CA10: variants seen among roughly 807,000 people sequenced by gnomAD.
CA10 encodes the protein carbonic anhydrase 10 (inactive), also known as carbonic anhydrase-related protein 10.
CA10 carries 14 observed loss-of-function variants against 44.2 expected under a neutral mutation model. The observed-to-expected ratio is 0.32, with a 90% CI of 0.21 to 0.50. CA10 has a LOEUF of 0.50. Ranked by LOEUF, CA10 falls within the 20% of genes least tolerant of loss-of-function variation. The pLI is 0.99. For missense variants in CA10, 350 were observed against 409.7 expected, an observed-to-expected ratio of 0.85 and a Z score of 1.26; for synonymous variants, 159 against 141.6, an observed-to-expected ratio of 1.12 and a Z score of -0.87.
intron 2 of CA10, among the ~76,000 whole-genome samples, chr17:52,060,564 A>G (rs1987354921): frequency 6.6e-6 from 1 of 152,162 alleles, no homozygotes; most frequent in South Asian, 2.1e-4. Flanking sequence ...TCATCCCAAA[A>G]TAAAAAAATT....
rs779857995 is a variant in CA10, at chr17:51,872,766, A to G, written c.279+58224T>C. On this transcript the variant is annotated intron_variant, in intron 3 of 8. Transcript: ENST00000451037. ...GAAATTGGCCATGGTTGGAGAATTT[A>G]TATCACAGAGACTGGTAAAGGCTAC... 8.8e-4 allele frequency among the ~76,000 whole-genome samples: 134 copies of G among 152,224 alleles called. 1 individual carries two copies. Among genetic ancestry groups the G allele is most frequent in the Non-Finnish European group, 1.4e-3 (95 of 68,040 alleles).
intron 2 of CA10, among the ~76,000 whole-genome samples, chr17:51,981,918 T>C (rs576371452): frequency 1.3e-5 from 2 of 152,148 alleles, no homozygotes; most frequent in African/African-American, 2.4e-5. Flanking sequence ...GCTGAATTTA[T>C]TTAATATATT....
intron 1 of CA10, among the ~76,000 whole-genome samples, chr17:52,136,818 T>C (rs925809831): frequency 1.3e-5 from 2 of 152,200 alleles, no homozygotes; most frequent in South Asian, 2.1e-4. Context: ...ATTTCATGTA[T>C]ATTCCTTGTG....
intron 4 of CA10, among the ~76,000 whole-genome samples, chr17:51,667,575 A>G (rs1241659746): frequency 6.6e-6 from 1 of 152,172 alleles, no homozygotes; most frequent in East Asian, 1.9e-4. Flanking sequence ...AAGCAAAAAA[A>G]AAAAAAATGA....
At chr17:51,698,975 T>C (rs974981533) in intron 4 of CA10, among the ~76,000 whole-genome samples, 2 of 152,218 alleles carry the variant, frequency 1.3e-5, no homozygotes, top group Non-Finnish European at 2.9e-5. Flanking sequence ...TTGGTTATTA[T>C]GAATAAGGCT....
chr17:52,059,719 A>T (rs1567719390), intron 2 of CA10, among the ~76,000 whole-genome samples: 1 of 152,152 alleles, frequency 6.6e-6, no homozygotes, highest in Non-Finnish European at 1.5e-5. Context: ...TCAATGGCTG[A>T]AATATGACCT....
In CA10 at chr17:51,821,546, T is replaced by C. The variant is rs1244069881; in HGVS notation, c.280-73728A>G. On this transcript the variant is annotated intron_variant, in intron 3 of 8. Transcript: ENST00000451037. ...AGAACTAATTTGAATAGCCTCCTAA[T>C]TGGCTTTCCTGCTTTTACATTCACT... Among the ~76,000 whole-genome samples the C allele has an allele frequency of 3.9e-5, 6 of 152,044 alleles. 1 individual carries two copies. The highest frequency in any genetic ancestry group is 1.5e-4 in the African/African-American group (6 of 41,328).
At chr17:52,131,118 G>A (rs1989229469) in intron 1 of CA10, among the ~76,000 whole-genome samples, 1 of 146,094 alleles carries the variant, frequency 6.8e-6, no homozygotes, top group Non-Finnish European at 1.5e-5. Flanking sequence ...TTTTTTTTTA[G>A]ACTATAAACA....
At chr17:52,105,624 T>C (rs1239733913) in intron 1 of CA10, among the ~76,000 whole-genome samples, 1 of 152,230 alleles carries the variant, frequency 6.6e-6, no homozygotes, top group East Asian at 1.9e-4. Flanking sequence ...ATGACAATAA[T>C]AACAGTACCT....
intron 3 of CA10, among the ~76,000 whole-genome samples, chr17:51,886,220 T>C (rs920044461): frequency 3.9e-5 from 6 of 152,298 alleles, no homozygotes; most frequent in African/African-American, 1.2e-4. Flanking sequence ...TGTGGGTGAA[T>C]GTGGCAGTGT....
chr17:51,820,416 C>A lies in CA10; in HGVS notation c.280-72598G>T, dbSNP rs867324027. Among the ~76,000 whole-genome samples, 21 of 92,936 alleles carry A rather than the reference C, an allele frequency of 2.3e-4. 1 individual carries two copies. Among genetic ancestry groups the A allele is most frequent in the South Asian group, 5.2e-4 (1 of 1,922 alleles). The allele number at this position is 92,936 out of a possible 152,430, so 61.0% of individuals were successfully genotyped here. A position where few individuals can be genotyped will look rare whatever the true frequency, so the allele number is the denominator to read the frequency against. On this transcript the variant is annotated intron_variant, in intron 3 of 8. Coordinates refer to ENST00000451037, the MANE Select transcript of CA10 (RefSeq NM_020178.5). ...CTGGGGATTCCCCTACCCCCCCCCC[C>A]CCGCCCGCCGATTTTCCTGTACAAA...
chr17:51,699,048 TG>T (rs1354408935), intron 4 of CA10, among the ~76,000 whole-genome samples: 1 of 152,154 alleles, frequency 6.6e-6, no homozygotes, highest in Non-Finnish European at 1.5e-5. Context: ...GGGCCGAGTG[TG>T]GTGACTCACG....
chr17:51,835,235 G>C (rs902616012), intron 3 of CA10, among the ~76,000 whole-genome samples: 8 of 152,220 alleles, frequency 5.3e-5, no homozygotes, highest in Non-Finnish European at 7.3e-5. Flanking sequence ...TAACCACAGA[G>C]AGCGATACAT....
intron 2 of CA10, among the ~76,000 whole-genome samples, chr17:52,014,293 G>C (rs1985900227): frequency 6.6e-6 from 1 of 151,944 alleles, no homozygotes; most frequent in African/African-American, 2.4e-5. Flanking sequence ...TAGACAACTA[G>C]ACCAGTGGCA....
chr17:52,030,038 T>G (rs1305358034), intron 2 of CA10, among the ~76,000 whole-genome samples: 7 of 152,182 alleles, frequency 4.6e-5, no homozygotes, highest in African/African-American at 1.2e-4. Context: ...GCAGAGAGAA[T>G]GACTTTGCTC....
chr17:51,772,586 C>T (rs1567834605), intron 3 of CA10, among the ~76,000 whole-genome samples: 1 of 151,980 alleles, frequency 6.6e-6, no homozygotes, highest in Non-Finnish European at 1.5e-5. Flanking sequence ...GGCCAGCCAC[C>T]ACAGCCACCA....
chr17:51,738,625 C>A (rs919965086), intron 4 of CA10, among the ~76,000 whole-genome samples: 2 of 152,150 alleles, frequency 1.3e-5, no homozygotes, highest in South Asian at 2.1e-4. Context: ...TTGGTGATTT[C>A]TAGATCCACT....
rs1455870778 is a variant in CA10 at position 52,157,712 on chromosome 17, G to C, written c.61+14C>G. On this transcript the variant is annotated intron_variant, in intron 1 of 8. Coordinates refer to ENST00000451037, the MANE Select transcript of CA10 (RefSeq NM_020178.5). ...ATAATCCAAATCAGCCAGTGACTTC[G>C]GCGCGTCCCGTACCTGATATGCAGA... The C allele has an allele frequency of 1.2e-6, 2 of 1,612,904 alleles. No homozygotes were observed. The highest frequency in any genetic ancestry group is 4.5e-5 in the East Asian group (2 of 44,862).
chr17:51,942,652 C>G (rs1330448922), intron 2 of CA10, among the ~76,000 whole-genome samples: 2 of 151,612 alleles, frequency 1.3e-5, no homozygotes, highest in Non-Finnish European at 2.9e-5. Context: ...TGCAGGTTCC[C>G]ACTGCCAGGT....
Sources: allele counts gnomAD v4.1 joint callset (sites outside exome capture counted in the v4.1 genomes callset), GRCh38; gene constraint gnomAD v4.1.1; transcripts MANE v1.5; gene names NCBI Gene and HGNC (gene_info 2026-07-23, HGNC 2026-07-21).